TNFAIP8L3: variants seen among roughly 807,000 people sequenced by gnomAD.
TNFAIP8L3 encodes the protein tumor necrosis factor alpha-induced protein 8-like protein 3.
Under a neutral mutation model 11.8 loss-of-function variants are expected in TNFAIP8L3, and 7 were observed. The ratio of observed to expected loss-of-function variants is 0.59; its 90% CI spans 0.34 to 1.11. TNFAIP8L3 has a LOEUF of 1.11. TNFAIP8L3 is among the 50% of genes most tolerant of loss of function. The pLI is 0.03. For missense variants in TNFAIP8L3, 219 were observed against 258.6 expected (o/e 0.85, Z 1.05); for synonymous variants, 98 against 103.8 (o/e 0.94, Z 0.34).
chr15:51,078,035 C>T (rs774950971), intron 1 of TNFAIP8L3, among the ~76,000 whole-genome samples: 2 of 152,172 alleles, frequency 1.3e-5, no homozygotes, highest in South Asian at 2.1e-4. Context: ...TCGTGTTCAC[C>T]GTGGCGTCCC....
chr15:51,057,907 T>TA lies in TNFAIP8L3; in HGVS notation c.588dup (p.Lys197Ter), dbSNP rs1358181584. ...TAAAGGACTTTCTCATCTAGCAACT[T>TA]ATTGATTCCTTCACAAATCCTCTTG... is the stretch of plus-strand genomic sequence containing the variant. On this transcript the variant is annotated frameshift_variant, in exon 2 of 2. Transcript: ENST00000637513. LOFTEE classifies it high-confidence loss of function. 6.3e-7 allele frequency: 1 copy of TA among 1,589,610 alleles called. No individual in the cohort carries two copies. The highest frequency in any genetic ancestry group is 1.2e-5 in the South Asian group (1 of 86,732).
chr15:51,084,858 T>C (rs2140977253), intron 1 of TNFAIP8L3, among the ~76,000 whole-genome samples: 1 of 152,334 alleles, frequency 6.6e-6, no homozygotes, highest in South Asian at 2.1e-4. Context: ...TGGATGGTCT[T>C]TTCTAATAAA....
At chr15:51,067,425 T>C (rs1389000984) in intron 1 of TNFAIP8L3, among the ~76,000 whole-genome samples, 1 of 152,180 alleles carries the variant, frequency 6.6e-6, no homozygotes, top group Non-Finnish European at 1.5e-5. Flanking sequence ...GGGGACACCA[T>C]GACTTAAAGG....
At chr15:51,087,098 C>T (rs2140978539) in intron 1 of TNFAIP8L3, among the ~76,000 whole-genome samples, 1 of 152,244 alleles carries the variant, frequency 6.6e-6, no homozygotes, top group East Asian at 1.9e-4. Flanking sequence ...GAACTTCTGA[C>T]CTCAGGTGAT....
At chr15:51,083,828 C>T (rs926492237) in intron 1 of TNFAIP8L3, among the ~76,000 whole-genome samples, 1 of 152,014 alleles carries the variant, frequency 6.6e-6, no homozygotes, top group Non-Finnish European at 1.5e-5. Context: ...GGGGGCTGGG[C>T]GGAGCCAGTG....
At position 51,077,712 on chromosome 15, in the gene TNFAIP8L3, C is replaced by T. The variant is rs377532908; in HGVS notation, c.52+16832G>A. Among the ~76,000 whole-genome samples, 11 of 152,332 alleles carry T rather than the reference C, an allele frequency of 7.2e-5. No homozygotes were observed. The South Asian group carries it at 1.0e-3, about 14-fold the overall frequency. On this transcript the variant is annotated intron_variant, in intron 1 of 1. Coordinates refer to ENST00000637513, the MANE Select transcript of TNFAIP8L3 (RefSeq NM_001311175.2). ...GGGAGAACACCCTTGTCTGCCCTCC[C>T]TTCCCCGACAGCTTCTCGCTTAATA...
upstream of TNFAIP8L3, among the ~76,000 whole-genome samples, chr15:51,098,802 G>A (rs1359586664): frequency 6.6e-6 from 1 of 152,120 alleles, no homozygotes. Flanking sequence ...ACAATATGTT[G>A]TGAACATCAT....
Position 51,061,695 on chromosome 15 carries a change from A to G in TNFAIP8L3, c.53-3252T>C, listed in dbSNP as rs1288467929. ...AACCAAAGGATGCATATGAATTTAA[A>G]TTTAAATGAAGAGAAGATTCCAGGG... On this transcript the variant is annotated intron_variant, in intron 1 of 1. Coordinates refer to ENST00000637513, the MANE Select transcript of TNFAIP8L3 (RefSeq NM_001311175.2). Among the ~76,000 whole-genome samples the G allele has an allele frequency of 4.6e-5, 7 of 152,198 alleles. 1 individual carries two copies. Among genetic ancestry groups the G allele is most frequent in the Admixed American group, 4.6e-4 (7 of 15,280 alleles).
chr15:51,094,136 C>T lies in TNFAIP8L3; in HGVS notation c.52+408G>A, dbSNP rs1169502601. Reference sequence around the variant, plus strand: ...GAGCCCCCAGTCACGTTCTTGGACCCAGTCACCTGCGCCGCAGCGCAGTCC... The same window carrying T: ...GAGCCCCCAGTCACGTTCTTGGACCTAGTCACCTGCGCCGCAGCGCAGTCC... On this transcript the variant is annotated intron_variant, in intron 1 of 1. Coordinates refer to ENST00000637513, the MANE Select transcript of TNFAIP8L3 (RefSeq NM_001311175.2). This position sits in a 1 kb window ranked among gnomAD's most constrained non-coding sequence, Gnocchi z 4.4. 1.3e-5 allele frequency among the ~76,000 whole-genome samples: 2 copies of T among 152,208 alleles called. No homozygotes were observed. The highest frequency in any genetic ancestry group is 4.8e-5 in the African/African-American group (2 of 41,462).
At chr15:51,082,534 C>T (rs1312158889) in intron 1 of TNFAIP8L3, among the ~76,000 whole-genome samples, 1 of 152,124 alleles carries the variant, frequency 6.6e-6, no homozygotes, top group East Asian at 1.9e-4. Context: ...CTACATTAAT[C>T]TTATAAAAAA....
At position 51,058,409 on chromosome 15, in the gene TNFAIP8L3, A is replaced by G. The variant is rs1240656667; in HGVS notation, c.87T>C (p.Leu29=). The G allele has an allele frequency of 6.2e-7, 1 of 1,610,298 alleles. No individual in the cohort carries two copies. The highest frequency in any genetic ancestry group is 1.7e-5 in the Admixed American group (1 of 59,748). The change falls in exon 2 of 2, where the codon CTT becomes CTC. Residue 29 remains leucine, a synonymous_variant. Transcript: ENST00000637513. ...TGCTCAGAATCTTCTTCTGGGCTTGAAGCGCAAGACTCTTTGAACTAAAAA... is the reference window on the plus strand; with the variant it reads ...TGCTCAGAATCTTCTTCTGGGCTTGGAGCGCAAGACTCTTTGAACTAAAAA... The part of the protein sequence containing the change: ...PDVFSSKSLA[L]QAQKKILSKI...
Position 51,094,453 on chromosome 15 carries a change from TG to T in TNFAIP8L3, c.52+90del. 1 of 1,320,938 alleles carries T rather than the reference TG, an allele frequency of 7.6e-7. No individual in the cohort carries two copies. Among genetic ancestry groups the T allele is most frequent in the Admixed American group, 3.3e-5 (1 of 30,250 alleles). The allele number at this position is 1,320,938 out of a possible 1,614,324, so 81.8% of individuals were successfully genotyped here. A position where few individuals can be genotyped will look rare whatever the true frequency, so the allele number is the denominator to read the frequency against. ...AGTCTTGGCCTGGAAGGGGTCGGGC[TG>T]CTGAGGATCGGCTTCCCGATTTCAT... is the stretch of plus-strand genomic sequence containing the variant. On this transcript the variant is annotated intron_variant, in intron 1 of 1. Coordinates refer to ENST00000637513, the MANE Select transcript of TNFAIP8L3 (RefSeq NM_001311175.2). This position sits in a 1 kb window ranked among gnomAD's most constrained non-coding sequence, Gnocchi z 4.4.
At chr15:51,081,094 C>T (rs74013130) in intron 1 of TNFAIP8L3, among the ~76,000 whole-genome samples, 2,471 of 152,204 alleles carry the variant, frequency 0.016, 88 homozygotes, top group African/African-American at 0.057. Context: ...CAGGAATGGC[C>T]ACAAGACTTG....
intron 1 of TNFAIP8L3, among the ~76,000 whole-genome samples, chr15:51,080,227 G>A (rs1261595008): frequency 6.6e-6 from 1 of 152,190 alleles, no homozygotes; most frequent in Non-Finnish European, 1.5e-5. Flanking sequence ...GTCATGTAGT[G>A]TCCTATAACT....
Position 51,071,000 on chromosome 15 carries a change from G to A in TNFAIP8L3, c.53-12557C>T, listed in dbSNP as rs1438304691. Among the ~76,000 whole-genome samples the A allele has an allele frequency of 1.0e-4, 13 of 130,488 alleles. 1 individual carries two copies. Among genetic ancestry groups the A allele is most frequent in the Non-Finnish European group, 1.3e-4 (8 of 63,850 alleles). The allele number at this position is 130,488 out of a possible 152,430, so 85.6% of individuals were successfully genotyped here. On this transcript the variant is annotated intron_variant, in intron 1 of 1. Transcript: ENST00000637513. ...CGGGAGGTGGAGCTTGCAGTGAGCCGAGATCCCGCCACTGCACTCCAGCCT... is the reference window on the plus strand; with the variant it reads ...CGGGAGGTGGAGCTTGCAGTGAGCCAAGATCCCGCCACTGCACTCCAGCCT...
chr15:51,074,732 C>T (rs2065337638), intron 1 of TNFAIP8L3, among the ~76,000 whole-genome samples: 1 of 152,232 alleles, frequency 6.6e-6, no homozygotes, highest in Admixed American at 6.5e-5. Flanking sequence ...GGGTGCTGCC[C>T]TGGCTGCCAG....
upstream of TNFAIP8L3, among the ~76,000 whole-genome samples, chr15:51,098,186 T>G (rs778911544): frequency 1.3e-5 from 2 of 152,222 alleles, no homozygotes; most frequent in African/African-American, 2.4e-5. Flanking sequence ...ACAATAATAC[T>G]CCTTTAATCT....
chr15:51,103,196 C>G (rs1266883154), intron 1 of TNFAIP8L3, among the ~76,000 whole-genome samples: 1 of 152,212 alleles, frequency 6.6e-6, no homozygotes, highest in Non-Finnish European at 1.5e-5. Context: ...ATCAACCCTT[C>G]TAAAAGAGGA....
chr15:51,079,645 T>C (rs542963101), intron 1 of TNFAIP8L3, among the ~76,000 whole-genome samples: 9 of 152,180 alleles, frequency 5.9e-5, no homozygotes, highest in Non-Finnish European at 1.5e-5. Flanking sequence ...CTTTTCTTTT[T>C]ATTAAGAAAA....
Sources: gnomAD v4.1 joint callset for allele counts (sites outside exome capture counted in the v4.1 genomes callset) on GRCh38, gnomAD v4.1.1 for gene constraint, Gnocchi (gnomAD v3.1) non-coding constraint, MANE v1.5 for transcripts, NCBI Gene and HGNC (gene_info 2026-07-23, HGNC 2026-07-21) for gene names.